The following IFT172 variants were observed in gnomAD, a reference collection of about 807,000 sequenced individuals.
IFT172 encodes the protein intraflagellar transport protein 172 homolog.
A neutral mutation model predicts 248.9 loss-of-function variants in IFT172; 164 were observed. The ratio of observed to expected loss-of-function variants is 0.66; its 90% CI spans 0.58 to 0.75. The LOEUF is 0.75. IFT172 is among the 30% of genes least tolerant of loss of function. IFT172 has a pLI of 0.00. For synonymous variants in IFT172, 729 were observed against 791.6 expected (o/e 0.92, Z 1.33); for missense variants, 1,950 against 2,192.4 (o/e 0.89, Z 2.21).
intron 21 of IFT172, 21 bp downstream of exon 21, chr2:27,461,738 T>C: frequency 6.2e-7 from 1 of 1,614,024 alleles, no homozygotes; most frequent in Non-Finnish European, 8.5e-7. Flanking sequence ...TGAACAACTG[T>C]GGAGAAGATA....
rs1447576797 is a variant in IFT172 at position 27,454,948 on chromosome 2, G to A, written c.3372-288C>T. ...TAGTTTGGGCCTGCGAAGGGGAAGG[G>A]AGGAGTGAGCCTCGCAGCCCTACAC... On this transcript the variant is annotated intron_variant, in intron 30 of 47. Transcript: ENST00000260570. The surrounding 1 kb of genome is among the most constrained non-coding windows in gnomAD (Gnocchi z 4.2). Among the ~76,000 whole-genome samples, 2 of 152,172 alleles carry A rather than the reference G, an allele frequency of 1.3e-5. No individual in the cohort carries two copies. The highest frequency in any genetic ancestry group is 2.9e-5 in the Non-Finnish European group (2 of 68,016).
Position 27,483,311 on chromosome 2 carries a change from T to A in IFT172, c.548A>T (p.Asp183Val), listed in dbSNP as rs758675573. 1.2e-6 allele frequency: 2 copies of A among 1,600,304 alleles called. No homozygotes were observed. The highest frequency in any genetic ancestry group is 2.2e-5 in the East Asian group (1 of 44,824). Residue 183 changes from aspartate (D) to valine (V), a missense_variant, in exon 7 of 48, where the codon GAT becomes GTT. Asp to Val is a radical substitution (Grantham distance 152). Around this residue, in one of 3 missense-constraint regions of IFT172, gnomAD observed 1,166 missense variants for 1,254.1 expected, o/e 0.93. Transcript: ENST00000260570. ...DGTIVRYFFD[D>V]EGSGESQGKL... ...TACCTGTGACTCTCCAGAGCCTTCA[T>A]CATCAAAGAAATACCTAACGATGGT... is the stretch of plus-strand genomic sequence containing the variant.
chr2:27,456,870 C>G (rs1181708971), intron 29 of IFT172, among the ~76,000 whole-genome samples: 1 of 151,796 alleles, frequency 6.6e-6, no homozygotes, highest in Non-Finnish European at 1.5e-5. Flanking sequence ...CATAGTGAAA[C>G]CCCATCTCTA....
chr2:27,479,695 A>T, intron 9 of IFT172, 91 bp from the exon 10 acceptor site: 1 of 877,458 alleles, frequency 1.1e-6, no homozygotes, highest in Non-Finnish European at 1.9e-6. Flanking sequence ...CCTAAGCTCT[A>T]GAGTCTAGAG....
chr2:27,453,761 A>G (rs1392341562), intron 33 of IFT172, 22 bp from the exon 34 acceptor site: 1 of 1,603,026 alleles, frequency 6.2e-7, no homozygotes, highest in Non-Finnish European at 8.5e-7. Context: ...TCCAGGTATC[A>G]AGAGGGCAGA....
At chr2:27,446,582 C>T in intron 42 of IFT172, 2 of 421,512 alleles carry the variant, frequency 4.7e-6, no homozygotes, top group Non-Finnish European at 8.6e-6. Context: ...GGTGCCATCT[C>T]AGCTCACTGC....
chr2:27,471,545 C>A (rs536169498), intron 15 of IFT172: 13 of 169,026 alleles, frequency 7.7e-5, no homozygotes, highest in Non-Finnish European at 1.3e-4. Flanking sequence ...TGTCCTCCAG[C>A]CAGTTCATGC....
intron 11 of IFT172, 142 bp downstream of exon 11, chr2:27,477,853 G>A: frequency 9.8e-7 from 1 of 1,024,958 alleles, no homozygotes; most frequent in Non-Finnish European, 1.5e-6. Flanking sequence ...AAAACTCCTG[G>A]GTCTCCTTCC....
Position 27,465,465 on chromosome 2 carries a change from C to T in IFT172, c.1883G>A (p.Trp628Ter). 1 of 1,614,132 alleles carries T rather than the reference C, an allele frequency of 6.2e-7. No homozygotes were observed. Among genetic ancestry groups the T allele is most frequent in the East Asian group, 2.2e-5 (1 of 44,880 alleles). Reference protein sequence around the residue: ...LEMTPETEAMWKTLSKLALEA... With the variant: ...LEMTPETEAM ...TAGTGCCAGTTTACTCAAGGTTTTC[C>T]ACATTGCCTCTGTTTCTGGGGTCAT... Residue 628 changes from tryptophan (W) to a stop codon, truncating the protein, a stop_gained, in exon 18 of 48, where the codon TGG becomes TAG. Transcript: ENST00000260570. LOFTEE classifies it high-confidence loss of function.
intron 35 of IFT172, among the ~76,000 whole-genome samples, chr2:27,451,396 A>C (rs1413059936): frequency 1.3e-5 from 2 of 152,222 alleles, no homozygotes. Context: ...AAAATCTGCT[A>C]GAACCTCAAA....
chr2:27,446,481 A>C, intron 42 of IFT172, 126 bp from the exon 43 acceptor site: 1 of 770,744 alleles, frequency 1.3e-6, no homozygotes, highest in Non-Finnish European at 2.1e-6. Flanking sequence ...TGGATTCTCA[A>C]GCTGTTCTGG....
At chr2:27,465,168 C>G (rs1055472939) in intron 18 of IFT172, 1 of 496,098 alleles carries the variant, frequency 2.0e-6, no homozygotes, top group East Asian at 3.5e-5. Flanking sequence ...GATCTGCCCA[C>G]CTCAGCCTCC....
At chr2:27,450,867 C>T (rs962293755) in intron 35 of IFT172, among the ~76,000 whole-genome samples, 3 of 151,994 alleles carry the variant, frequency 2.0e-5, no homozygotes, top group Non-Finnish European at 4.4e-5. Context: ...TCTGGGATTA[C>T]AGGCATGTAC....
intron 7 of IFT172, among the ~76,000 whole-genome samples, chr2:27,481,630 C>T (rs907055221): frequency 1.7e-4 from 26 of 151,718 alleles, no homozygotes; most frequent in African/African-American, 5.1e-4. Flanking sequence ...ACCTCCGCCT[C>T]CCCAGGTTCA....
rs758128239 is a variant in IFT172 at position 27,465,524 on chromosome 2, A to C, written c.1830-6T>G. 5 of 1,613,278 alleles carry C rather than the reference A, an allele frequency of 3.1e-6. No individual in the cohort carries two copies. In the South Asian group the frequency reaches 5.5e-5, roughly 18 times the overall value. On this transcript the variant is annotated splice_region_variant and splice_polypyrimidine_tract_variant and intron_variant, in intron 17 of 47. Coordinates refer to ENST00000260570, the MANE Select transcript of IFT172 (RefSeq NM_015662.3). ...TCTCTAAGAAGGCTGTTGCCCTGGAAAGGGAAGGAAGCAAAGCATAATGAA... is the reference window on the plus strand; with the variant it reads ...TCTCTAAGAAGGCTGTTGCCCTGGACAGGGAAGGAAGCAAAGCATAATGAA...
At chr2:27,451,622 C>T (rs958991738) in intron 35 of IFT172, among the ~76,000 whole-genome samples, 2 of 152,010 alleles carry the variant, frequency 1.3e-5, no homozygotes, top group Admixed American at 1.3e-4. Context: ...AAAAATTAGC[C>T]CGGCATGATG....
chr2:27,481,352 T>C lies in IFT172; in HGVS notation c.571-92A>G, dbSNP rs548716525. ...ACACCTGGTACATTCACTCTGACCA[T>C]CATACCCTGCAGAAATCTCTTCCAA... On this transcript the variant is annotated intron_variant, in intron 7 of 47. Transcript: ENST00000260570. 1.5e-4 allele frequency: 141 copies of C among 918,386 alleles called. 2 individuals carry two copies. In the South Asian group the frequency reaches 2.1e-3, roughly 14 times the overall value. The allele number at this position is 918,386 out of a possible 1,614,324, so 56.9% of individuals were successfully genotyped here.
intron 15 of IFT172, 72 bp downstream of exon 15, chr2:27,472,178 G>A: frequency 9.8e-7 from 1 of 1,023,138 alleles, no homozygotes; most frequent in South Asian, 1.3e-5. Flanking sequence ...GCCTCCCTCA[G>A]TCCCTGGTGG....
rs202236985 is a variant in IFT172 at position 27,450,059 on chromosome 2, C to T, written c.3989G>A (p.Arg1330His). 2.2e-5 allele frequency: 36 copies of T among 1,614,044 alleles called. No individual in the cohort carries two copies. Among genetic ancestry groups the T allele is most frequent in the Middle Eastern group, 1.6e-4 (1 of 6,084 alleles). ...TACAGCCAGAACGACTTCCATATTA[C>T]GTTGGGGAGGCAGAAACTTGATGGA... ...ELSIKFLPPQ[R>H]NMEVVLAVGP... The change falls in exon 36 of 48, where the codon CGT (arginine) becomes CAT (histidine). Residue 1330 changes from arginine to histidine, a missense_variant. By Grantham distance (29) the Arg-to-His change is conservative. This residue lies in a region of IFT172 where 620 missense variants were observed against 699.0 expected (regional missense o/e 0.89). Coordinates refer to ENST00000260570, the MANE Select transcript of IFT172 (RefSeq NM_015662.3).
Sources: allele counts gnomAD v4.1 joint callset (sites outside exome capture counted in the v4.1 genomes callset), GRCh38; gene constraint gnomAD v4.1.1; regional missense constraint gnomAD v4.1.1; non-coding constraint Gnocchi (gnomAD v3.1); transcripts MANE v1.5; gene names NCBI Gene and HGNC (gene_info 2026-07-23, HGNC 2026-07-21).